HPSE2: variants seen among roughly 807,000 people sequenced by gnomAD.
HPSE2 encodes heparanase 2 (inactive).
Under a neutral mutation model 60.5 loss-of-function variants are expected in HPSE2, and 38 were observed. That is an observed-to-expected ratio of 0.63 (90% CI 0.48 to 0.82). HPSE2 has a LOEUF of 0.82. Ranked by LOEUF, HPSE2 falls within the 40% of genes least tolerant of loss-of-function variation. The pLI, the probability that HPSE2 is intolerant of heterozygous loss-of-function variation, is 0.00. For missense variants in HPSE2, 713 were observed against 740.4 expected (o/e 0.96, Z 0.43); for synonymous variants, 295 against 293.2 (o/e 1.01, Z -0.06).
At chr10:99,159,538 G>A (rs1413680092) in intron 2 of HPSE2, among the ~76,000 whole-genome samples, 1 of 152,106 alleles carries the variant, frequency 6.6e-6, no homozygotes, top group African/African-American at 2.4e-5. Context: ...TATGAATAAA[G>A]TCTGTAGCTT....
chr10:98,459,737 G>A lies in HPSE2; in HGVS notation c.1616C>T (p.Ser539Leu). 6.2e-7 allele frequency: 1 copy of A among 1,612,812 alleles called. No individual in the cohort carries two copies. The highest frequency in any genetic ancestry group is 8.5e-7 in the Non-Finnish European group (1 of 1,179,430). ...TAAGGGCTGGCCATTCAGTTGCACT[G>A]ACCTACAGTGAGGAAAAACAGTATG... is the stretch of plus-strand genomic sequence containing the variant. ...PYGQEGLKSKSVQLNGQPLVM... is the reference protein window; with the variant it reads ...PYGQEGLKSKLVQLNGQPLVM... The change falls in exon 12 of 12, where the codon TCA (serine) becomes TTA (leucine). Residue 539 changes from serine (S) to leucine (L), a missense_variant and splice_region_variant. Ser to Leu is a moderately radical substitution (Grantham distance 145, BLOSUM62 -2). Transcript: ENST00000370552.
chr10:98,811,445 GAATT>G (rs1951167706), intron 3 of HPSE2, among the ~76,000 whole-genome samples: 1 of 152,064 alleles, frequency 6.6e-6, no homozygotes, highest in Non-Finnish European at 1.5e-5. Flanking sequence ...AATATTTGTA[GAATT>G]AATGAAGAAA....
intron 3 of HPSE2, among the ~76,000 whole-genome samples, chr10:98,944,310 A>G (rs1043745396): frequency 6.6e-6 from 1 of 152,128 alleles, no homozygotes. Context: ...CTGGGATTTA[A>G]AAGACCAGCA....
rs7917215 is a variant in HPSE2, at chr10:98,661,940, G to A, written c.1005-20000C>T. On this transcript the variant is annotated intron_variant, in intron 6 of 11. Coordinates refer to ENST00000370552, the MANE Select transcript of HPSE2 (RefSeq NM_021828.5). ...TATTGAGATGGAGTCTTGCTATGTC[G>A]CCAGGCTGGAGTGCAGTGGTCTTGG... Among the ~76,000 whole-genome samples, 11 of 152,166 alleles carry A rather than the reference G, an allele frequency of 7.2e-5. No homozygotes were observed. The East Asian group carries it at 1.4e-3, about 19-fold the overall frequency.
intron 3 of HPSE2, among the ~76,000 whole-genome samples, chr10:98,969,310 A>T (rs1460058749): frequency 6.6e-6 from 1 of 152,142 alleles, no homozygotes; most frequent in Non-Finnish European, 1.5e-5. Flanking sequence ...CTTAGAACCC[A>T]AAAGGTTTCT....
intron 9 of HPSE2, among the ~76,000 whole-genome samples, chr10:98,589,028 T>C (rs1375567445): frequency 1.3e-5 from 2 of 152,110 alleles, no homozygotes; most frequent in Non-Finnish European, 2.9e-5. Context: ...GAGTGATCAA[T>C]CCATGAAATA....
At chr10:99,115,157 T>G (rs936363365) in intron 3 of HPSE2, among the ~76,000 whole-genome samples, 9 of 146,196 alleles carry the variant, frequency 6.2e-5, no homozygotes, top group East Asian at 6.1e-4. Context: ...CTAAATGTGT[T>G]TTTTTTTTTT....
At chr10:99,154,579 C>T (rs942647985) in intron 2 of HPSE2, among the ~76,000 whole-genome samples, 19 of 151,380 alleles carry the variant, frequency 1.3e-4, no homozygotes, top group Admixed American at 4.6e-4. Context: ...ACCAGGCCTG[C>T]CCTAAAACAG....
the HPSE2 span, among the ~76,000 whole-genome samples, chr10:99,305,979 G>GCGCGCGCACACACACACACACACACA: frequency 9.2e-4 from 74 of 80,554 alleles, no homozygotes; most frequent in African/African-American, 1.8e-3. Flanking sequence ...GCGCGCGCGC[G>GCGCGCGCACACACACACACACACACA]CACACACACA....
Position 99,132,234 on chromosome 10 carries a change from AG to A in HPSE2, c.610+12003del, listed in dbSNP as rs1845463338. ...GAGAGAGAGAGAGAGAGAGAGAGAGAGAGAGAGAGAAAGAAAGAAAGAAAGA... is the reference window on the plus strand; with the variant it reads ...GAGAGAGAGAGAGAGAGAGAGAGAGAAGAGAGAGAAAGAAAGAAAGAAAGA... On this transcript the variant is annotated intron_variant, in intron 3 of 11. Transcript: ENST00000370552. 2.7e-4 allele frequency among the ~76,000 whole-genome samples: 15 copies of A among 54,930 alleles called. 1 individual carries two copies. Among genetic ancestry groups the A allele is most frequent in the East Asian group, 7.5e-4 (1 of 1,328 alleles). 36.0% of individuals were successfully genotyped at this position (54,930 alleles called of 152,430 possible). A position where few individuals can be genotyped will look rare whatever the true frequency, so the allele number is the denominator to read the frequency against.
intron 9 of HPSE2, among the ~76,000 whole-genome samples, chr10:98,600,911 G>GTATATATGTGTGTATATATATATATA (rs576143051): frequency 8.1e-5 from 6 of 73,716 alleles, no homozygotes; most frequent in African/African-American, 2.2e-4. Flanking sequence ...ATGTGTGTGT[G>GTATATATGTGTGTATATATATATATA]TATATATATA....
intron 3 of HPSE2, among the ~76,000 whole-genome samples, chr10:99,041,793 G>A (rs927512416): frequency 2.6e-5 from 4 of 152,136 alleles, no homozygotes; most frequent in African/African-American, 7.2e-5. Context: ...TCTCTGGGAT[G>A]GAGCTCACAG....
chr10:98,890,907 C>G (rs908902157), intron 3 of HPSE2, among the ~76,000 whole-genome samples: 1 of 152,188 alleles, frequency 6.6e-6, no homozygotes, highest in Non-Finnish European at 1.5e-5. Flanking sequence ...ATCAATTGAA[C>G]TCTTAACTAA....
At chr10:99,185,048 C>T (rs553298623) in intron 2 of HPSE2, among the ~76,000 whole-genome samples, 19 of 151,526 alleles carry the variant, frequency 1.3e-4, no homozygotes, top group African/African-American at 4.6e-4. Context: ...ACCTGTAATC[C>T]CAGCACTTTG....
chr10:98,812,486 T>C (rs920222649), intron 3 of HPSE2, among the ~76,000 whole-genome samples: 6 of 152,164 alleles, frequency 3.9e-5, no homozygotes, highest in African/African-American at 1.2e-4. Flanking sequence ...AGATGGTCCA[T>C]GAACCATACT....
chr10:98,751,405 T>C (rs1949755244), intron 3 of HPSE2, among the ~76,000 whole-genome samples: 1 of 152,216 alleles, frequency 6.6e-6, no homozygotes, highest in African/African-American at 2.4e-5. Context: ...ATAGTTAATT[T>C]GTTTTAAGGA....
chr10:98,693,774 T>C (rs565418940), intron 6 of HPSE2, 126 bp downstream of exon 6: 122 of 836,556 alleles, frequency 1.5e-4, no homozygotes, highest in Non-Finnish European at 2.3e-4. Flanking sequence ...TGGAGTTACT[T>C]TCAAATTTTT....
Position 98,607,346 on chromosome 10 carries a change from G to A in HPSE2, c.1320+7558C>T, listed in dbSNP as rs1012609722. 5.9e-5 allele frequency among the ~76,000 whole-genome samples: 9 copies of A among 152,240 alleles called. No homozygotes were observed. The South Asian group carries it at 1.9e-3, about 32-fold the overall frequency. ...GCTGTAGCTGTAATCCCTCAGTATTGCAATCTGGGAACAATATAAATGGCT... is the reference window on the plus strand; with the variant it reads ...GCTGTAGCTGTAATCCCTCAGTATTACAATCTGGGAACAATATAAATGGCT... On this transcript the variant is annotated intron_variant, in intron 9 of 11. Coordinates refer to ENST00000370552, the MANE Select transcript of HPSE2 (RefSeq NM_021828.5).
intron 7 of HPSE2, among the ~76,000 whole-genome samples, chr10:98,637,953 A>G (rs533047798): frequency 6.6e-6 from 1 of 151,996 alleles, no homozygotes; most frequent in African/African-American, 2.4e-5. Flanking sequence ...AGCCTGGACA[A>G]CATGGTGAAA....
Sources: allele counts gnomAD v4.1 joint callset (sites outside exome capture counted in the v4.1 genomes callset), GRCh38; gene constraint gnomAD v4.1.1; transcripts MANE v1.5; gene names NCBI Gene and HGNC (gene_info 2026-07-23, HGNC 2026-07-21).